The following PTPRD variants were observed in gnomAD, a reference collection of about 807,000 sequenced individuals.
PTPRD encodes the protein receptor-type tyrosine-protein phosphatase delta.
A neutral mutation model predicts 214.5 loss-of-function variants in PTPRD; 34 were observed. The ratio of observed to expected loss-of-function variants is 0.16; its 90% CI spans 0.12 to 0.21. The LOEUF (loss-of-function observed/expected upper bound fraction) is 0.21, where lower values mean the gene tolerates loss of function less well. Among genes scored for constraint, PTPRD ranks in the 10% least tolerant of loss-of-function variants. PTPRD has a pLI of 1.00. For synonymous variants in PTPRD, 1,128 were observed against 845.7 expected, an observed-to-expected ratio of 1.33 and a Z score of -5.79; for missense variants, 2,545 against 2,398.7, an observed-to-expected ratio of 1.06 and a Z score of -1.27.
intron 12 of PTPRD, among the ~76,000 whole-genome samples, chr9:8,650,154 G>T (rs547945502): frequency 7.2e-5 from 11 of 152,208 alleles, no homozygotes; most frequent in Admixed American, 6.5e-4. Flanking sequence ...CTGGGCTCAA[G>T]TGATCCTCCG....
chr9:8,636,898 T>C (rs2154328657), intron 12 of PTPRD, 54 bp from the exon 13 acceptor site: 2 of 1,575,644 alleles, frequency 1.3e-6, no homozygotes, highest in Non-Finnish European at 1.7e-6. Context: ...TACAGACTAT[T>C]ATCCTACTAC....
At chr9:10,011,668 C>T (rs989944042) in intron 4 of PTPRD, among the ~76,000 whole-genome samples, 1 of 152,070 alleles carries the variant, frequency 6.6e-6, no homozygotes, top group Non-Finnish European at 1.5e-5. Context: ...AAAAAATATA[C>T]ATTGTAACAT....
At chr9:9,748,150 T>C (rs1180853907) in intron 6 of PTPRD, among the ~76,000 whole-genome samples, 1 of 152,198 alleles carries the variant, frequency 6.6e-6, no homozygotes, top group African/African-American at 2.4e-5. Context: ...TGTAAAATAG[T>C]GGGTTGCTGT....
intron 10 of PTPRD, among the ~76,000 whole-genome samples, chr9:9,151,705 GT>G (rs2099876921): frequency 6.6e-6 from 1 of 152,154 alleles, no homozygotes; most frequent in South Asian, 2.1e-4. Context: ...GATGAGACAG[GT>G]TTTGTTTTTC....
intron 9 of PTPRD, among the ~76,000 whole-genome samples, chr9:9,273,564 A>C (rs1329307370): frequency 1.3e-5 from 2 of 151,342 alleles, no homozygotes; most frequent in African/African-American, 4.8e-5. Context: ...AAAACAGAGA[A>C]CTGTGAAAAC....
intron 3 of PTPRD, among the ~76,000 whole-genome samples, chr9:10,226,762 G>A (rs770593796): frequency 6.6e-6 from 1 of 151,968 alleles, no homozygotes; most frequent in Non-Finnish European, 1.5e-5. Context: ...CTGTGTGTAT[G>A]TGTTGTAGGG....
chr9:9,653,784 ATTTG>A (rs2096438981), intron 7 of PTPRD, among the ~76,000 whole-genome samples: 1 of 152,150 alleles, frequency 6.6e-6, no homozygotes. Flanking sequence ...CTCTAAAGGG[ATTTG>A]GCTTTGATGG....
intron 3 of PTPRD, among the ~76,000 whole-genome samples, chr9:10,141,858 A>C (rs1001565722): frequency 2.6e-5 from 4 of 152,170 alleles, no homozygotes; most frequent in African/African-American, 9.7e-5. Context: ...ACTATGCTAC[A>C]AGGCTACAGT....
intron 8 of PTPRD, among the ~76,000 whole-genome samples, chr9:9,418,405 T>C (rs911939094): frequency 2.0e-5 from 3 of 152,014 alleles, no homozygotes; most frequent in African/African-American, 7.2e-5. Context: ...TTTAAATATC[T>C]CTTGCACCTT....
At chr9:9,808,374 A>G (rs1002819549) in intron 5 of PTPRD, among the ~76,000 whole-genome samples, 6 of 152,318 alleles carry the variant, frequency 3.9e-5, no homozygotes, top group African/African-American at 1.4e-4. Context: ...TTATCTGACC[A>G]GGAAACTCCT....
chr9:10,093,236 C>A (rs568621111), intron 3 of PTPRD, among the ~76,000 whole-genome samples: 23 of 151,038 alleles, frequency 1.5e-4, no homozygotes, highest in Non-Finnish European at 3.0e-5. Flanking sequence ...CTACAAGAAA[C>A]TTAAATCAAC....
intron 3 of PTPRD, among the ~76,000 whole-genome samples, chr9:10,056,951 A>G (rs2097663263): frequency 6.6e-6 from 1 of 152,174 alleles, no homozygotes; most frequent in Non-Finnish European, 1.5e-5. Flanking sequence ...ATTTTTGGTT[A>G]TAAAAATAGG....
At chr9:8,462,673 C>T (rs1348414902) in intron 32 of PTPRD, among the ~76,000 whole-genome samples, 1 of 151,878 alleles carries the variant, frequency 6.6e-6, no homozygotes, top group Non-Finnish European at 1.5e-5. Context: ...CTCCAGGCCC[C>T]CACTTGAATA....
At chr9:8,975,449 T>G (rs1423915032) in intron 11 of PTPRD, among the ~76,000 whole-genome samples, 1 of 152,070 alleles carries the variant, frequency 6.6e-6, no homozygotes, top group Non-Finnish European at 1.5e-5. Context: ...TCTATGTACA[T>G]ATAATTACAA....
intron 36 of PTPRD, among the ~76,000 whole-genome samples, chr9:8,392,007 G>A (rs1186422690): frequency 6.6e-6 from 1 of 152,096 alleles, no homozygotes; most frequent in Non-Finnish European, 1.5e-5. Context: ...AATAATGATT[G>A]CACTTCCCAG....
At chr9:8,598,973 G>C (rs1055994869) in intron 14 of PTPRD, among the ~76,000 whole-genome samples, 1 of 152,176 alleles carries the variant, frequency 6.6e-6, no homozygotes, top group Non-Finnish European at 1.5e-5. Context: ...CGGTTTGTCT[G>C]TGTCCCCATC....
chr9:8,694,543 G>A lies in PTPRD; in HGVS notation c.64+39237C>T, dbSNP rs772946741. Among the ~76,000 whole-genome samples, 46 of 152,094 alleles carry A rather than the reference G, an allele frequency of 3.0e-4. 1 individual carries two copies. Among genetic ancestry groups the A allele is most frequent in the Admixed American group, 2.6e-4 (4 of 15,258 alleles). On this transcript the variant is annotated intron_variant, in intron 12 of 45. Coordinates refer to ENST00000381196, the MANE Select transcript of PTPRD (RefSeq NM_002839.4). ...ATATGTTTAGGTAGGATCTAAACAT[G>A]CTCACCAGCAGAAGATAAAAATGAC...
At chr9:10,420,462 T>A (rs1565920674) in intron 2 of PTPRD, among the ~76,000 whole-genome samples, 2 of 152,020 alleles carry the variant, frequency 1.3e-5, no homozygotes, top group Middle Eastern at 3.4e-3. Context: ...TGGCCAAGGT[T>A]GAGAGTGCTT....
intron 11 of PTPRD, among the ~76,000 whole-genome samples, chr9:8,972,570 T>G (rs1368676): frequency 0.72 from 109,606 of 151,708 alleles, 39,922 homozygotes; most frequent in East Asian, 0.85. Flanking sequence ...AAGAACAAAT[T>G]AAATGGAAGT....
Sources: allele counts gnomAD v4.1 joint callset (sites outside exome capture counted in the v4.1 genomes callset), GRCh38; gene constraint gnomAD v4.1.1; transcripts MANE v1.5; gene names NCBI Gene and HGNC (gene_info 2026-07-23, HGNC 2026-07-21).